The following PCDH11X variants were observed in gnomAD, a reference collection of about 807,000 sequenced individuals.
The protein encoded by PCDH11X is protocadherin 11 X-linked.
Under a neutral mutation model 53.3 loss-of-function variants are expected in PCDH11X, and 18 were observed. That is an observed-to-expected ratio of 0.34 (90% CI 0.23 to 0.50). PCDH11X has a LOEUF of 0.50. Among genes scored for constraint, PCDH11X ranks in the 20% least tolerant of loss-of-function variants. The probability of loss-of-function intolerance (pLI) is 0.98; values close to 1 mark genes in which losing one functional copy is unlikely to be tolerated. For missense variants in PCDH11X, 570 were observed against 1,032.4 expected, an observed-to-expected ratio of 0.55 and a Z score of 6.14; for synonymous variants, 279 against 393.3, an observed-to-expected ratio of 0.71 and a Z score of 3.44.
intron 6 of PCDH11X, among the ~76,000 whole-genome samples, chrX:92,100,307 C>G (rs1162187844): frequency 2.7e-5 from 3 of 111,244 alleles, no homozygotes; most frequent in Non-Finnish European, 5.6e-5. Flanking sequence ...TTTATTTCAC[C>G]TGGGTGCAGG....
At chrX:91,869,407 G>A (rs1184404873) in intron 5 of PCDH11X, among the ~76,000 whole-genome samples, 1 of 111,000 alleles carries the variant, frequency 9.0e-6, no homozygotes, top group Non-Finnish European at 1.9e-5. Context: ...CTTTCAAATC[G>A]GGTTCTGCAA....
chrX:91,960,224 C>G (rs1227951317), intron 6 of PCDH11X, among the ~76,000 whole-genome samples: 1 of 102,268 alleles, frequency 9.8e-6, no homozygotes, highest in Admixed American at 1.1e-4. Context: ...TTTAGGTTGC[C>G]TCTTCATTTT....
rs138769990 is a variant in PCDH11X at position 92,266,575 on chromosome X, G to A, written c.3144+3432G>A. On this transcript the variant is annotated intron_variant, in intron 8 of 10. Coordinates refer to ENST00000682573, the MANE Select transcript of PCDH11X (RefSeq NM_032968.5). The stretch of plus-strand genomic sequence containing the variant: ...CTCTTAAAAAATTATGTTATATTTC[G>A]TAGATAAGCTAGTGGCATTCACAGC... 4.6e-3 allele frequency among the ~76,000 whole-genome samples: 508 copies of A among 111,320 alleles called. 2 individuals carry two copies. Among genetic ancestry groups the A allele is most frequent in the African/African-American group, 0.015 (452 of 30,716 alleles).
intron 1 of PCDH11X, among the ~76,000 whole-genome samples, chrX:91,783,188 C>T (rs1161446512): frequency 9.0e-6 from 1 of 111,640 alleles, no homozygotes; most frequent in Admixed American, 9.5e-5. Flanking sequence ...CCTTTCATGA[C>T]GTATAGCTGG....
chrX:92,126,321 C>T (rs3865923), intron 6 of PCDH11X, among the ~76,000 whole-genome samples: 44,201 of 108,505 alleles, frequency 0.41, 8,484 homozygotes, highest in East Asian at 0.87. Flanking sequence ...AATATAAAAA[C>T]GTTCTCTCCC....
chrX:92,312,792 A>C (rs946327013), intron 8 of PCDH11X, among the ~76,000 whole-genome samples: 1 of 111,262 alleles, frequency 9.0e-6, no homozygotes, highest in African/African-American at 3.3e-5. Context: ...ATTTTCGATC[A>C]TTTTCCCTAC....
intron 6 of PCDH11X, among the ~76,000 whole-genome samples, chrX:91,978,731 C>G (rs1307238733): frequency 3.6e-5 from 4 of 112,018 alleles, no homozygotes; most frequent in African/African-American, 1.3e-4. Context: ...ACATCTTTAC[C>G]CTCTGGTTTT....
intron 6 of PCDH11X, among the ~76,000 whole-genome samples, chrX:91,922,727 C>T (rs1211435953): frequency 8.9e-6 from 1 of 112,268 alleles, no homozygotes; most frequent in Non-Finnish European, 1.9e-5. Context: ...CGAAACCTAC[C>T]TCTGTCCATG....
intron 5 of PCDH11X, among the ~76,000 whole-genome samples, chrX:91,841,067 C>T (rs1602338728): frequency 9.1e-6 from 1 of 110,236 alleles, no homozygotes; most frequent in Non-Finnish European, 1.9e-5. Flanking sequence ...CAATCAAATG[C>T]TAACGACTAT....
intron 6 of PCDH11X, among the ~76,000 whole-genome samples, chrX:91,901,011 A>G (rs1240338118): frequency 1.8e-5 from 2 of 111,211 alleles, no homozygotes; most frequent in African/African-American, 6.5e-5. Flanking sequence ...GGCCTCAGGA[A>G]GTGAATGAGC....
chrX:92,078,172 T>A (rs987576328), intron 6 of PCDH11X, among the ~76,000 whole-genome samples: 2 of 110,041 alleles, frequency 1.8e-5, no homozygotes, highest in African/African-American at 6.6e-5. Context: ...GCTTTTTTTT[T>A]TTCTTTTAAG....
chrX:92,148,475 C>T (rs909900392), intron 6 of PCDH11X, among the ~76,000 whole-genome samples: 3 of 106,685 alleles, frequency 2.8e-5, no homozygotes, highest in African/African-American at 6.8e-5. Flanking sequence ...TGATCCACTG[C>T]GTCGGTCTCC....
chrX:92,276,131 A>G (rs1316450762), intron 8 of PCDH11X, among the ~76,000 whole-genome samples: 3 of 109,428 alleles, frequency 2.7e-5, no homozygotes, highest in Non-Finnish European at 3.8e-5. Context: ...AGTTTTAAGA[A>G]GTTTAGAAGC....
intron 10 of PCDH11X, among the ~76,000 whole-genome samples, chrX:92,558,207 A>G (rs1265690609): frequency 9.1e-6 from 1 of 109,848 alleles, no homozygotes; most frequent in Middle Eastern, 4.3e-3. Context: ...TTGAATATGC[A>G]GCATTCAAAA....
At chrX:92,204,903 G>A (rs1231296507) in intron 7 of PCDH11X, among the ~76,000 whole-genome samples, 2 of 111,347 alleles carry the variant, frequency 1.8e-5, no homozygotes, top group Admixed American at 9.6e-5. Context: ...GAGCGAAGGA[G>A]GATTCCCCTT....
In PCDH11X at chrX:92,484,137, G is replaced by GTATGTATATATATGTATATATGTATA. The variant is rs1169023507; in HGVS notation, c.3367+15833_3367+15858dup. Among the ~76,000 whole-genome samples the GTATGTATATATATGTATATATGTATA allele has an allele frequency of 1.3e-3, 56 of 42,945 alleles. 1 individual carries two copies. Among genetic ancestry groups the GTATGTATATATATGTATATATGTATA allele is most frequent in the Non-Finnish European group, 1.8e-3 (34 of 19,274 alleles). The allele number at this position is 42,945 out of a possible 115,157, so 37.3% of individuals were successfully genotyped here. A position where few individuals can be genotyped will look rare whatever the true frequency, so the allele number is the denominator to read the frequency against. On this transcript the variant is annotated intron_variant, in intron 10 of 10. Transcript: ENST00000682573. ...ATATATAGTATATATATGTATATAT[G>GTATGTATATATATGTATATATGTATA]TATGTATATATATGTATATATGTAT...
intron 7 of PCDH11X, among the ~76,000 whole-genome samples, chrX:92,232,890 T>C (rs1165699562): frequency 9.0e-6 from 1 of 111,272 alleles, no homozygotes; most frequent in East Asian, 2.8e-4. Context: ...TAATTTTTTG[T>C]ATTTTTAGTA....
chrX:92,418,753 G>T (rs1429305702), intron 9 of PCDH11X, among the ~76,000 whole-genome samples: 1 of 107,782 alleles, frequency 9.3e-6, no homozygotes, highest in Non-Finnish European at 1.9e-5. Context: ...CACTATGCCT[G>T]GTTAATGACT....
intron 6 of PCDH11X, among the ~76,000 whole-genome samples, chrX:92,102,956 T>C (rs2064292753): frequency 9.0e-6 from 1 of 111,659 alleles, no homozygotes; most frequent in South Asian, 3.7e-4. Context: ...TAACAGGCTT[T>C]AATCCTTTCA....
Sources: allele counts gnomAD v4.1 joint callset (sites outside exome capture counted in the v4.1 genomes callset), GRCh38; gene constraint gnomAD v4.1.1; transcripts MANE v1.5; gene names NCBI Gene and HGNC (gene_info 2026-07-23, HGNC 2026-07-21).